INTS3: variants seen among roughly 807,000 people sequenced by gnomAD.
INTS3 encodes SOSS complex subunit A.
A neutral mutation model predicts 146.3 loss-of-function variants in INTS3; 34 were observed. The ratio of observed to expected loss-of-function variants is 0.23; its 90% confidence interval spans 0.18 to 0.31. The LOEUF is 0.31. Among genes scored for constraint, INTS3 ranks in the 10% least tolerant of loss-of-function variants. The pLI, the probability that INTS3 is intolerant of heterozygous loss-of-function variation, is 1.00. For missense variants in INTS3, 757 were observed against 1,304.2 expected, an observed-to-expected ratio of 0.58 and a Z score of 6.46; for synonymous variants, 475 against 494.9, an observed-to-expected ratio of 0.96 and a Z score of 0.53.
chr1:153,732,555 C>T (rs1396567684), intron 1 of INTS3, among the ~76,000 whole-genome samples: 1 of 151,944 alleles, frequency 6.6e-6, no homozygotes, highest in East Asian at 1.9e-4. Context: ...AAGCGATTCT[C>T]CTGCGTCAGC....
At chr1:153,740,869 T>C (rs1160239379) in intron 2 of INTS3, 135 bp downstream of exon 2, 29 of 717,136 alleles carry the variant, frequency 4.0e-5, no homozygotes, top group Non-Finnish European at 4.2e-5. Context: ...GAATCAAATT[T>C]CTCAATTCTT....
At chr1:153,740,514 C>T in intron 1 of INTS3, 137 bp from the exon 2 acceptor site, 1 of 673,808 alleles carries the variant, frequency 1.5e-6, no homozygotes, top group Non-Finnish European at 2.7e-6. Context: ...GTTTTATCCT[C>T]ATGGTGACTT....
Position 153,740,872 on chromosome 1 carries a change from C to T in INTS3, c.234+138C>T, listed in dbSNP as rs548247407. On this transcript the variant is annotated intron_variant, in intron 2 of 29. Transcript: ENST00000318967. ...TCTTGGCTCCCTGAATCAAATTTCTCAATTCTTCTCTTTTACTGTGGGAGC... is the reference window on the plus strand; with the variant it reads ...TCTTGGCTCCCTGAATCAAATTTCTTAATTCTTCTCTTTTACTGTGGGAGC... 1.5e-5 allele frequency: 11 copies of T among 718,410 alleles called. No homozygotes were observed. In the South Asian group the frequency reaches 1.7e-4, roughly 11 times the overall value. 44.5% of individuals were successfully genotyped at this position (718,410 alleles called of 1,614,324 possible). A position where few individuals can be genotyped will look rare whatever the true frequency, so the allele number is the denominator to read the frequency against.
In INTS3 at chr1:153,729,383, A is replaced by G. The variant is rs573269569; in HGVS notation, c.150+599A>G. On this transcript the variant is annotated intron_variant, in intron 1 of 29. Transcript: ENST00000318967. ...GGATTCTCCTTCAGAACCAGATAGC[A>G]CACACACAGGAGAGAACACATCGCT... Among the ~76,000 whole-genome samples, 6 of 152,338 alleles carry G rather than the reference A, an allele frequency of 3.9e-5. No homozygotes were observed. In the South Asian group the frequency reaches 1.2e-3, roughly 32 times the overall value.
At chr1:153,765,095 C>T (rs753433991) in intron 20 of INTS3, 32 bp downstream of exon 20, 2 of 1,612,704 alleles carry the variant, frequency 1.2e-6, no homozygotes, top group African/African-American at 1.3e-5. Context: ...CAAATGGTGT[C>T]AGGACACATC....
At chr1:153,763,124 A>G in intron 15 of INTS3, 109 bp from the exon 16 acceptor site, 1 of 1,393,586 alleles carries the variant, frequency 7.2e-7, no homozygotes, top group South Asian at 1.2e-5. Flanking sequence ...GCATTGAGGA[A>G]ACAGGTGCAC....
chr1:153,728,197 G>C lies in INTS3; in HGVS notation c.-438G>C. 2.5e-6 allele frequency: 1 copy of C among 397,880 alleles called. No homozygotes were observed. Among genetic ancestry groups the C allele is most frequent in the Non-Finnish European group, 4.4e-6 (1 of 225,470 alleles). The allele number at this position is 397,880 out of a possible 1,614,324, so 24.6% of individuals were successfully genotyped here. A position where few individuals can be genotyped will look rare whatever the true frequency, so the allele number is the denominator to read the frequency against. ...GGCGCTGCACTCCCCAAGCCTTGGG[G>C]CATCAGCCAGGAAGGTTTCCTACCT... On this transcript the variant is annotated 5_prime_UTR_variant, in exon 1 of 30. Transcript: ENST00000318967.
chr1:153,740,656 G>A lies in INTS3; in HGVS notation c.156G>A (p.Leu52=), dbSNP rs1397288237. The A allele has an allele frequency of 1.2e-6, 2 of 1,613,586 alleles. No homozygotes were observed. The highest frequency in any genetic ancestry group is 1.1e-5 in the South Asian group (1 of 91,062). Residue 52 remains leucine (L), a synonymous_variant, in exon 2 of 30, where the codon TTG becomes TTA. Coordinates refer to ENST00000318967, the MANE Select transcript of INTS3 (RefSeq NM_023015.5). ...TTTTTCTCACCCCTTCCCAGAGATT[G>A]GAAAGGTGTATGAGCATTGTGACAT... ...LDAKDELEER[L]ERCMSIVTSM... is the part of the protein sequence containing the mutation.
Position 153,741,285 on chromosome 1 carries a change from G to A in INTS3, c.235G>A (p.Val79Met). 1 of 1,612,610 alleles carries A rather than the reference G, an allele frequency of 6.2e-7. No individual in the cohort carries two copies. The highest frequency in any genetic ancestry group is 8.5e-7 in the Non-Finnish European group (1 of 1,178,660). Residue 79 changes from valine to methionine, a missense_variant and splice_region_variant, in exon 3 of 30, where the codon GTG becomes ATG. Transcript: ENST00000318967. ...TTTGTTTTCCTTTCTCACATTCCAG[G>A]TGTGCAAAGGCCTCCCCCAGCATGA... ...REANDALNAY[V>M]CKGLPQHEEI...
chr1:153,752,099 CCAGCTCTCTTCCCCTGAA>C, intron 7 of INTS3, 162 bp from the exon 8 acceptor site: 1 of 673,414 alleles, frequency 1.5e-6, no homozygotes, highest in Non-Finnish European at 2.6e-6. Context: ...TCCCCAGCTT[CCAGCTCTCTTCCCCTGAA>C]CAGCTAGGAG....
intron 5 of INTS3, 79 bp downstream of exon 5, chr1:153,747,442 T>C (rs757535383): frequency 1.9e-6 from 2 of 1,079,712 alleles, no homozygotes; most frequent in South Asian, 2.5e-5. Context: ...AATGATTAAG[T>C]GCCAAAGGGA....
intron 11 of INTS3, 50 bp from the exon 12 acceptor site, chr1:153,760,253 AAAAAAGAG>A: frequency 1.9e-6 from 2 of 1,058,718 alleles, no homozygotes; most frequent in Non-Finnish European, 2.7e-6. Context: ...AAAAAAAAAA[AAAAAAGAG>A]AGAGAGAGAC....
chr1:153,756,721 CAGG>C (rs1672176447), intron 9 of INTS3, among the ~76,000 whole-genome samples: 1 of 151,816 alleles, frequency 6.6e-6, no homozygotes, highest in Non-Finnish European at 1.5e-5. Context: ...GAGGCTGAGG[CAGG>C]AGAATCGCTT....
chr1:153,745,566 C>T (rs575942500), intron 3 of INTS3, among the ~76,000 whole-genome samples: 6 of 151,080 alleles, frequency 4.0e-5, no homozygotes, highest in Non-Finnish European at 7.4e-5. Context: ...GAGATCCTGA[C>T]GGGATAGAAC....
chr1:153,769,708 T>C, intron 22 of INTS3, 61 bp from the exon 23 acceptor site: 1 of 1,128,564 alleles, frequency 8.9e-7, no homozygotes, highest in Non-Finnish European at 1.4e-6. Flanking sequence ...TCCCCCTCCA[T>C]ACTAGCTTCC....
At position 153,772,659 on chromosome 1, in the gene INTS3, C is replaced by G. The variant is rs779676302; in HGVS notation, c.2842C>G (p.Leu948Val). ...KQNFFSQTPI[L>V]QALQHVQASC... ...TCTAGTTTTTAGCCAGACGCCAATTCTCCAGGCGCTGCAGCATGTCCAAGC... is the reference window on the plus strand; with the variant it reads ...TCTAGTTTTTAGCCAGACGCCAATTGTCCAGGCGCTGCAGCATGTCCAAGC... The change falls in exon 28 of 30, where the codon CTC (leucine) becomes GTC (valine). Residue 948 changes from leucine (L) to valine (V), a missense_variant. Physicochemically the swap from Leu to Val is conservative, Grantham distance 32. Around this residue, in one of 8 missense-constraint regions of INTS3, gnomAD observed 125 missense variants for 165.6 expected, o/e 0.75. Transcript: ENST00000318967. The surrounding 1 kb of genome is among the most constrained non-coding windows in gnomAD (Gnocchi z 4.6). 6.2e-7 allele frequency: 1 copy of G among 1,614,228 alleles called. No individual in the cohort carries two copies. Among genetic ancestry groups the G allele is most frequent in the Non-Finnish European group, 8.5e-7 (1 of 1,180,042 alleles).
intron 3 of INTS3, 37 bp downstream of exon 3, chr1:153,741,405 A>G (rs1671531754): frequency 7.0e-7 from 1 of 1,425,820 alleles, no homozygotes; most frequent in South Asian, 1.1e-5. Context: ...AACCCTCCTC[A>G]TATATGATCT....
chr1:153,740,793 T>C (rs1222664735), intron 2 of INTS3, 59 bp downstream of exon 2: 2 of 1,338,702 alleles, frequency 1.5e-6, no homozygotes, highest in Admixed American at 3.4e-5. Flanking sequence ...TGAAACATGG[T>C]CAAAAAGATG....
At chr1:153,770,058 G>GT (rs1672759048) in intron 23 of INTS3, 140 bp from the exon 24 acceptor site, 5 of 444,144 alleles carry the variant, frequency 1.1e-5, no homozygotes, top group Admixed American at 3.6e-5. Context: ...AGTGGATTGG[G>GT]GTGTGTGTGT....
Sources: allele counts gnomAD v4.1 joint callset (sites outside exome capture counted in the v4.1 genomes callset), GRCh38; gene constraint gnomAD v4.1.1; regional missense constraint gnomAD v4.1.1; non-coding constraint Gnocchi (gnomAD v3.1); transcripts MANE v1.5; gene names NCBI Gene and HGNC (gene_info 2026-07-23, HGNC 2026-07-21).